Variants in SORCS3 observed in about 807,000 individuals in gnomAD.
SORCS3 encodes sortilin related VPS10 domain containing receptor 3.
In SORCS3, 57 loss-of-function variants were observed where a neutral mutation model predicts 146.3. The ratio of observed to expected loss-of-function variants is 0.39; its 90% CI spans 0.31 to 0.49. SORCS3 has a LOEUF of 0.49. Ranked by LOEUF, SORCS3 falls within the 20% of genes least tolerant of loss-of-function variation. The pLI is 0.92. For synonymous variants in SORCS3, 653 were observed against 618.5 expected (o/e 1.06, Z -0.83); for missense variants, 1,341 against 1,575.5 (o/e 0.85, Z 2.52).
intron 20 of SORCS3, among the ~76,000 whole-genome samples, chr10:105,239,240 C>A (rs1254712874): frequency 6.6e-6 from 1 of 152,144 alleles, no homozygotes; most frequent in Non-Finnish European, 1.5e-5. Context: ...AGCCTTTGTA[C>A]CTCATATGAT....
intron 2 of SORCS3, among the ~76,000 whole-genome samples, chr10:104,884,654 G>A (rs570432199): frequency 2.6e-5 from 4 of 152,202 alleles, no homozygotes; most frequent in African/African-American, 7.2e-5. Flanking sequence ...TTGGGTATAG[G>A]AAGGAGGTGA....
At chr10:104,669,407 C>G (rs954046001) in intron 1 of SORCS3, among the ~76,000 whole-genome samples, 1 of 152,108 alleles carries the variant, frequency 6.6e-6, no homozygotes, top group African/African-American at 2.4e-5. Flanking sequence ...CCCATTCTAC[C>G]CTACTTCCAG....
At chr10:105,026,206 A>G (rs145309954) in intron 4 of SORCS3, among the ~76,000 whole-genome samples, 2 of 152,176 alleles carry the variant, frequency 1.3e-5, no homozygotes, top group African/African-American at 4.8e-5. Context: ...CCTCCAGAAT[A>G]TTTTGCAAAT....
At chr10:104,986,903 G>A (rs1034941218) in intron 4 of SORCS3, among the ~76,000 whole-genome samples, 2 of 152,102 alleles carry the variant, frequency 1.3e-5, no homozygotes, top group Non-Finnish European at 2.9e-5. Context: ...GAAAAAGTTT[G>A]CAATGTTGTG....
intron 2 of SORCS3, among the ~76,000 whole-genome samples, chr10:104,874,379 G>A (rs568023228): frequency 6.6e-6 from 1 of 151,970 alleles, no homozygotes; most frequent in African/African-American, 2.4e-5. Flanking sequence ...TTGACATTAC[G>A]AATATCTGCT....
intron 9 of SORCS3, among the ~76,000 whole-genome samples, chr10:105,154,956 G>C (rs2056195958): frequency 2.0e-5 from 3 of 152,200 alleles, no homozygotes; most frequent in Admixed American, 2.0e-4. Flanking sequence ...TAAGGGCTTT[G>C]AACTATCCAA....
At chr10:104,857,977 T>A (rs1283753463) in intron 2 of SORCS3, among the ~76,000 whole-genome samples, 1 of 152,154 alleles carries the variant, frequency 6.6e-6, no homozygotes, top group Non-Finnish European at 1.5e-5. Context: ...CTGATTTACT[T>A]TGAAACTTTG....
chr10:105,255,469 A>G (rs2056925720), intron 23 of SORCS3, among the ~76,000 whole-genome samples: 1 of 152,196 alleles, frequency 6.6e-6, no homozygotes, highest in African/African-American at 2.4e-5. Flanking sequence ...AGTATAAAAC[A>G]AAACAGAACA....
At chr10:104,735,456 G>GTTTTTTTATTTTTTTT (rs2016757681) in intron 1 of SORCS3, among the ~76,000 whole-genome samples, 1 of 34,994 alleles carries the variant, frequency 2.9e-5, no homozygotes, top group African/African-American at 1.2e-4. Flanking sequence ...CTCACCGTCT[G>GTTTTTTTATTTTTTTT]TTTTTTTTTT....
At chr10:104,846,369 C>T (rs1039469511) in intron 2 of SORCS3, among the ~76,000 whole-genome samples, 2 of 152,172 alleles carry the variant, frequency 1.3e-5, no homozygotes, top group Non-Finnish European at 2.9e-5. Context: ...CTTCCTAATA[C>T]AGTGTGCAGA....
At chr10:104,742,368 G>A (rs2016858560) in intron 1 of SORCS3, among the ~76,000 whole-genome samples, 2 of 152,188 alleles carry the variant, frequency 1.3e-5, no homozygotes, top group African/African-American at 4.8e-5. Flanking sequence ...GGAAGCCAGC[G>A]GGGCAGCATA....
intron 5 of SORCS3, among the ~76,000 whole-genome samples, chr10:105,068,438 T>G (rs1034302872): frequency 6.6e-6 from 1 of 152,162 alleles, no homozygotes; most frequent in Non-Finnish European, 1.5e-5. Context: ...GGCACTTCCT[T>G]CAGCCAGGTC....
intron 1 of SORCS3, among the ~76,000 whole-genome samples, chr10:104,826,171 A>G (rs985176031): frequency 6.6e-6 from 1 of 152,122 alleles, no homozygotes; most frequent in African/African-American, 2.4e-5. Flanking sequence ...CCCTTTTGTC[A>G]TAGTTATGCT....
At chr10:105,257,015 A>C in intron 25 of SORCS3, 91 bp downstream of exon 25, 1 of 906,586 alleles carries the variant, frequency 1.1e-6, no homozygotes, top group Non-Finnish European at 1.8e-6. Flanking sequence ...TCATCGCAAG[A>C]ATGTGATTTT....
In SORCS3 at chr10:104,661,686, T is replaced by TAGAC. The variant is rs1381116287; in HGVS notation, c.627+19735_627+19736insCAGA. On this transcript the variant is annotated intron_variant, in intron 1 of 26. Transcript: ENST00000369701. ...TGATTTGGGAATATAGATAGATAGA[T>TAGAC]AGATAGATAGATAGACAGATAGATA... 4.6e-5 allele frequency among the ~76,000 whole-genome samples: 7 copies of TAGAC among 152,182 alleles called. No individual in the cohort carries two copies. In the East Asian group the frequency reaches 1.3e-3, roughly 29 times the overall value.
chr10:104,742,500 C>G (rs942857480), intron 1 of SORCS3, among the ~76,000 whole-genome samples: 4 of 152,016 alleles, frequency 2.6e-5, no homozygotes, highest in African/African-American at 9.7e-5. Context: ...AGGAGGATAC[C>G]AGTAGGTAGT....
rs144082625 is a variant in SORCS3, at chr10:105,176,123, G to A, written c.1902-1943G>A. Among the ~76,000 whole-genome samples, 413 of 152,158 alleles carry A rather than the reference G, an allele frequency of 2.7e-3. 1 individual carries two copies. Among genetic ancestry groups the A allele is most frequent in the Non-Finnish European group, 5.0e-3 (340 of 68,010 alleles). ...GATTGGATGGATTTAAAGAGGGCCCGTCATTATTCCTTATTATTTCATTCA... is the reference window on the plus strand; with the variant it reads ...GATTGGATGGATTTAAAGAGGGCCCATCATTATTCCTTATTATTTCATTCA... On this transcript the variant is annotated intron_variant, in intron 13 of 26. Coordinates refer to ENST00000369701, the MANE Select transcript of SORCS3 (RefSeq NM_014978.3).
intron 20 of SORCS3, among the ~76,000 whole-genome samples, chr10:105,224,767 A>G (rs914464777): frequency 1.3e-5 from 2 of 152,044 alleles, no homozygotes; most frequent in Non-Finnish European, 2.9e-5. Flanking sequence ...CATGTTCTGG[A>G]TTTTGGTCAT....
At chr10:104,688,298 G>A (rs544234314) in intron 1 of SORCS3, among the ~76,000 whole-genome samples, 17 of 152,368 alleles carry the variant, frequency 1.1e-4, no homozygotes, top group Middle Eastern at 3.4e-3. Flanking sequence ...GAGGCTGAAA[G>A]CTCTGAAGGA....
Sources: allele counts gnomAD v4.1 joint callset (sites outside exome capture counted in the v4.1 genomes callset), GRCh38; gene constraint gnomAD v4.1.1; transcripts MANE v1.5; gene names NCBI Gene and HGNC (gene_info 2026-07-23, HGNC 2026-07-21).